MED29: variants seen among roughly 807,000 people sequenced by gnomAD.
MED29 encodes mediator of RNA polymerase II transcription subunit 29.
In MED29, 14 loss-of-function variants were observed where a neutral mutation model predicts 22.0. That is an observed-to-expected ratio of 0.64 (90% CI 0.42 to 0.99). The LOEUF is 0.99. Among genes scored for constraint, MED29 ranks in the 50% least tolerant of loss-of-function variants. The pLI is 0.00. For synonymous variants in MED29, 123 were observed against 107.8 expected (o/e 1.14, Z -0.87); for missense variants, 241 against 253.7 (o/e 0.95, Z 0.34).
chr19:39,396,712 C>T (rs1162639489), intron 3 of MED29, among the ~76,000 whole-genome samples: 2 of 147,872 alleles, frequency 1.4e-5, no homozygotes, highest in Non-Finnish European at 3.0e-5. Context: ...GGCAACAGAG[C>T]GAGATTCCAC....
intron 3 of MED29, among the ~76,000 whole-genome samples, chr19:39,394,410 C>A (rs1035345098): frequency 8.5e-5 from 13 of 152,122 alleles, no homozygotes; most frequent in African/African-American, 3.1e-4. Context: ...TATAGGCATA[C>A]CACGCCTGGC....
Position 39,391,399 on chromosome 19 carries a change from C to A in MED29, c.-24C>A. The stretch of plus-strand genomic sequence containing the variant: ...CGGGGAGAGACGCAGTCGTAACGCA[C>A]TTCCGGCGGTCTACGCGAGGAAGAT... On this transcript the variant is annotated 5_prime_UTR_variant, in exon 1 of 4. Transcript: ENST00000315588. 6.2e-7 allele frequency: 1 copy of A among 1,607,838 alleles called. No homozygotes were observed. The highest frequency in any genetic ancestry group is 8.5e-7 in the Non-Finnish European group (1 of 1,174,992).
In MED29 at chr19:39,397,672, A is replaced by G; in HGVS notation, c.576A>G (p.Pro192=). 6.2e-7 allele frequency: 1 copy of G among 1,611,274 alleles called. No homozygotes were observed. Among genetic ancestry groups the G allele is most frequent in the African/African-American group, 1.3e-5 (1 of 75,024 alleles). The change falls in exon 4 of 4, where the codon CCA becomes CCG. Residue 192 remains proline (P), a synonymous_variant. Transcript: ENST00000315588. ...ANKVTGKTPA[P]PAGPGGTL is the part of the protein sequence containing the mutation. Reference sequence around the variant, plus strand: ...AGGTCACGGGCAAGACACCCGCACCACCTGCTGGCCCTGGGGGCACTCTGT... The same window carrying G: ...AGGTCACGGGCAAGACACCCGCACCGCCTGCTGGCCCTGGGGGCACTCTGT...
chr19:39,391,722 G>C, intron 1 of MED29, 84 bp downstream of exon 1: 1 of 1,460,550 alleles, frequency 6.8e-7, no homozygotes, highest in South Asian at 1.3e-5. Flanking sequence ...CGGAGAGAGC[G>C]CTAAGCAGAA....
At position 39,391,562 on chromosome 19, in the gene MED29, T is replaced by C. The variant is rs1255141241; in HGVS notation, c.140T>C (p.Leu47Pro). The C allele has an allele frequency of 1.6e-5, 26 of 1,613,662 alleles. No homozygotes were observed. The highest frequency in any genetic ancestry group is 2.1e-5 in the Non-Finnish European group (25 of 1,179,902). ...QLVGPAQSGL[L>P]QQQQQDFDPV... is the part of the protein sequence containing the mutation. ...GTGGGCCCTGCCCAGAGCGGCCTCC[T>C]GCAGCAACAGCAACAGGACTTCGAT... The change falls in exon 1 of 4, where the codon CTG (leucine) becomes CCG (proline). Residue 47 changes from leucine to proline, a missense_variant. Transcript: ENST00000315588.
In MED29 at chr19:39,395,290, G is replaced by A. The variant is rs904164016; in HGVS notation, c.360+1653G>A. Among the ~76,000 whole-genome samples, 4 of 152,356 alleles carry A rather than the reference G, an allele frequency of 2.6e-5. No homozygotes were observed. In the Middle Eastern group the frequency reaches 0.01, roughly 389 times the overall value. ...TTCTGGCTGAGGTGTGGTAGGCATA[G>A]GGCTTGTTGGATTTTGAATATAATC... is the stretch of plus-strand genomic sequence containing the variant. On this transcript the variant is annotated intron_variant, in intron 3 of 3. Coordinates refer to ENST00000315588, the MANE Select transcript of MED29 (RefSeq NM_017592.4).
intron 1 of MED29, 142 bp from the exon 2 acceptor site, chr19:39,392,322 A>G: frequency 1.4e-6 from 1 of 723,562 alleles, no homozygotes; most frequent in South Asian, 1.7e-5. Flanking sequence ...GGAAACGAAT[A>G]TTACTTTGGA....
At chr19:39,394,783 T>G (rs541783500) in intron 3 of MED29, among the ~76,000 whole-genome samples, 1 of 151,686 alleles carries the variant, frequency 6.6e-6, no homozygotes, top group East Asian at 1.9e-4. Context: ...AGGATGGTCT[T>G]GATCTCTTGA....
At position 39,391,449 on chromosome 19, in the gene MED29, A is replaced by G. The variant is rs529876289; in HGVS notation, c.27A>G (p.Ser9=). Residue 9 remains serine, a synonymous_variant, in exon 1 of 4, where the codon TCA becomes TCG. Coordinates refer to ENST00000315588, the MANE Select transcript of MED29 (RefSeq NM_017592.4). MAASQQQA[S]AASSAAGVSG... is the part of the protein sequence containing the mutation. ...TGGCTGCATCCCAGCAGCAAGCTTC[A>G]GCGGCTTCCTCAGCTGCTGGTGTAT... 3.5e-5 allele frequency: 56 copies of G among 1,613,520 alleles called. 1 individual carries two copies. The East Asian group carries it at 1.0e-3, about 30-fold the overall frequency.
intron 3 of MED29, among the ~76,000 whole-genome samples, chr19:39,395,745 C>T (rs532787927): frequency 2.5e-4 from 38 of 151,958 alleles, no homozygotes; most frequent in African/African-American, 8.4e-4. Context: ...GATGAAACCC[C>T]GTCTCTACTA....
chr19:39,392,301 G>A (rs1374405639), intron 1 of MED29, among the ~76,000 whole-genome samples, 163 bp from the exon 2 acceptor site: 1 of 152,210 alleles, frequency 6.6e-6, no homozygotes, highest in Non-Finnish European at 1.5e-5. Flanking sequence ...AGTGGTGACA[G>A]CTATAGGAAT....
chr19:39,397,668 C>T lies in MED29; in HGVS notation c.572C>T (p.Ala191Val), dbSNP rs767423117. Residue 191 changes from alanine (A) to valine (V), a missense_variant, in exon 4 of 4, where the codon GCA (alanine) becomes GTA (valine). By Grantham distance (64) the Ala-to-Val change is moderately conservative. Coordinates refer to ENST00000315588, the MANE Select transcript of MED29 (RefSeq NM_017592.4). Reference protein sequence around the residue: ...CANKVTGKTPAPPAGPGGTL With the variant: ...CANKVTGKTPVPPAGPGGTL ...AACAAGGTCACGGGCAAGACACCCGCACCACCTGCTGGCCCTGGGGGCACT... is the reference window on the plus strand; with the variant it reads ...AACAAGGTCACGGGCAAGACACCCGTACCACCTGCTGGCCCTGGGGGCACT... 5 of 1,611,762 alleles carry T rather than the reference C, an allele frequency of 3.1e-6. No homozygotes were observed. The highest frequency in any genetic ancestry group is 4.5e-5 in the East Asian group (2 of 44,878).
In MED29 at chr19:39,391,403, C is replaced by T. The variant is rs372207740; in HGVS notation, c.-20C>T. 36 of 1,607,692 alleles carry T rather than the reference C, an allele frequency of 2.2e-5. No homozygotes were observed. Among genetic ancestry groups the T allele is most frequent in the East Asian group, 9.0e-5 (4 of 44,688 alleles). On this transcript the variant is annotated 5_prime_UTR_variant, in exon 1 of 4. Coordinates refer to ENST00000315588, the MANE Select transcript of MED29 (RefSeq NM_017592.4). ...GAGAGACGCAGTCGTAACGCACTTC[C>T]GGCGGTCTACGCGAGGAAGATGGCT...
chr19:39,392,558 C>T (rs1311710113), intron 2 of MED29, 36 bp downstream of exon 2: 2 of 1,571,448 alleles, frequency 1.3e-6, no homozygotes, highest in African/African-American at 1.4e-5. Context: ...TATTCTATTG[C>T]CTTCCCAGTC....
chr19:39,399,777 G>A lies in MED29; in HGVS notation c.*2078G>A, dbSNP rs2078451728. The A allele has an allele frequency of 6.6e-6, 1 of 152,176 alleles. No homozygotes were observed. The allele number at this position is 152,176 out of a possible 1,614,324, so 9.4% of individuals were successfully genotyped here. The stretch of plus-strand genomic sequence containing the variant: ...TGAGGGACTGTCGGCCCTCCCAGGT[G>A]GTGTCAACACAACATCACACACAGG... On this transcript the variant is annotated 3_prime_UTR_variant, in exon 4 of 4. Coordinates refer to ENST00000315588, the MANE Select transcript of MED29 (RefSeq NM_017592.4).
In MED29 at chr19:39,393,081, C is replaced by CTTTTTTTTTTTTTTTTTTTTTTTTTT. The variant is rs142198224; in HGVS notation, c.276-465_276-440dup. ...TTTTCTTTCTTTCTTTCTTTCTTTT[C>CTTTTTTTTTTTTTTTTTTTTTTTTTT]TTTTTTTTTTTTTTTTTTTTTTTTT... On this transcript the variant is annotated intron_variant, in intron 2 of 3. Coordinates refer to ENST00000315588, the MANE Select transcript of MED29 (RefSeq NM_017592.4). 2.2e-3 allele frequency among the ~76,000 whole-genome samples: 76 copies of CTTTTTTTTTTTTTTTTTTTTTTTTTT among 34,728 alleles called. 1 individual carries two copies. The highest frequency in any genetic ancestry group is 3.5e-3 in the Non-Finnish European group (64 of 18,162). The allele number at this position is 34,728 out of a possible 152,430, so 22.8% of individuals were successfully genotyped here. A position where few individuals can be genotyped will look rare whatever the true frequency, so the allele number is the denominator to read the frequency against.
At chr19:39,395,904 G>A (rs1163151940) in intron 3 of MED29, among the ~76,000 whole-genome samples, 1 of 151,106 alleles carries the variant, frequency 6.6e-6, no homozygotes, top group Non-Finnish European at 1.5e-5. Flanking sequence ...GTGACAGAGC[G>A]AGACTCCGTC....
chr19:39,395,656 T>C (rs1205441435), intron 3 of MED29, among the ~76,000 whole-genome samples: 2 of 152,024 alleles, frequency 1.3e-5, no homozygotes, highest in Non-Finnish European at 2.9e-5. Flanking sequence ...CGGTGATTCA[T>C]GCCTGTAATC....
At chr19:39,393,409 T>A (rs942168927) in intron 2 of MED29, 144 bp from the exon 3 acceptor site, 2 of 759,768 alleles carry the variant, frequency 2.6e-6, no homozygotes, top group Non-Finnish European at 4.4e-6. Context: ...TTTTCTTTTT[T>A]TTTGAACCCC....
Sources: allele counts gnomAD v4.1 joint callset (sites outside exome capture counted in the v4.1 genomes callset), GRCh38; gene constraint gnomAD v4.1.1; transcripts MANE v1.5; gene names NCBI Gene and HGNC (gene_info 2026-07-23, HGNC 2026-07-21).